The following HEPHL1 variants were observed in gnomAD, a reference collection of about 807,000 sequenced individuals.
HEPHL1 encodes hephaestin like 1, also known as ferroxidase HEPHL1.
A neutral mutation model predicts 122.0 loss-of-function variants in HEPHL1; 123 were observed. The ratio of observed to expected loss-of-function variants is 1.01; its 90% CI spans 0.87 to 1.17. The LOEUF is 1.17. Among genes scored for constraint, HEPHL1 ranks in the 50% most tolerant of loss-of-function variants. The pLI is 0.00. For missense variants in HEPHL1, 1,452 were observed against 1,430.5 expected, an observed-to-expected ratio of 1.01 and a Z score of -0.24; for synonymous variants, 527 against 508.9, an observed-to-expected ratio of 1.04 and a Z score of -0.48.
chr11:94,070,299 T>G, intron 5 of HEPHL1, 75 bp from the exon 6 acceptor site: 1 of 1,413,936 alleles, frequency 7.1e-7, no homozygotes, highest in Non-Finnish European at 9.4e-7. Flanking sequence ...AAGAGCCAAA[T>G]CTATCAGTCT....
chr11:94,055,267 C>T, intron 2 of HEPHL1: 1 of 279,346 alleles, frequency 3.6e-6, no homozygotes, highest in Non-Finnish European at 7.1e-6. Context: ...CTCTCTGATT[C>T]CTGTTGAGCC....
At chr11:94,093,969 C>CAGATAGATAGATAGATAGAT (rs1382570113) in intron 13 of HEPHL1, among the ~76,000 whole-genome samples, 3 of 50,714 alleles carry the variant, frequency 5.9e-5, no homozygotes, top group South Asian at 8.9e-4. Flanking sequence ...AATCCTCCAG[C>CAGATAGATAGATAGATAGAT]AGATATATAT....
intron 18 of HEPHL1, 76 bp from the exon 19 acceptor site, chr11:94,111,461 A>G: frequency 8.7e-7 from 1 of 1,150,556 alleles, no homozygotes. Context: ...CTCGCTGGTG[A>G]AATGAAATGA....
intron 1 of HEPHL1, among the ~76,000 whole-genome samples, chr11:94,032,108 C>T (rs1565344044): frequency 6.6e-6 from 1 of 152,238 alleles, no homozygotes; most frequent in Non-Finnish European, 1.5e-5. Context: ...ACATACAGTG[C>T]TTACCCCACA....
At chr11:94,082,642 G>C in intron 10 of HEPHL1, 74 bp downstream of exon 10, 1 of 1,400,288 alleles carries the variant, frequency 7.1e-7, no homozygotes, top group Non-Finnish European at 9.7e-7. Flanking sequence ...TGGTGTGTTT[G>C]AATTATATTA....
At chr11:94,062,838 CAG>C (rs1373637825) in intron 2 of HEPHL1, among the ~76,000 whole-genome samples, 1 of 152,136 alleles carries the variant, frequency 6.6e-6, no homozygotes, top group Admixed American at 6.6e-5. Context: ...GTTTATGAAA[CAG>C]AGAGTAAGGG....
intron 8 of HEPHL1, among the ~76,000 whole-genome samples, chr11:94,074,285 A>C (rs1439468459): frequency 6.6e-6 from 1 of 152,082 alleles, no homozygotes; most frequent in Non-Finnish European, 1.5e-5. Flanking sequence ...AAAATACCAA[A>C]ATGGCTGCGT....
At chr11:94,048,806 AG>A (rs910835929) in intron 2 of HEPHL1, among the ~76,000 whole-genome samples, 1 of 152,102 alleles carries the variant, frequency 6.6e-6, no homozygotes, top group Non-Finnish European at 1.5e-5. Context: ...CCATTTCAGA[AG>A]TGTGTTGGTT....
At chr11:94,055,638 CT>C in intron 2 of HEPHL1, 1 of 391,042 alleles carries the variant, frequency 2.6e-6, no homozygotes, top group Non-Finnish European at 5.1e-6. Flanking sequence ...CATCATAGTC[CT>C]TTCCAATGCT....
chr11:94,037,566 C>A (rs189751190), intron 1 of HEPHL1, among the ~76,000 whole-genome samples: 3,444 of 152,244 alleles, frequency 0.023, 94 homozygotes, highest in East Asian at 0.088. Flanking sequence ...TGACCCCTGA[C>A]CCCCAAGCAG....
intron 2 of HEPHL1, among the ~76,000 whole-genome samples, chr11:94,048,646 G>A (rs575455743): frequency 1.6e-4 from 25 of 152,194 alleles, no homozygotes; most frequent in African/African-American, 5.5e-4. Flanking sequence ...ACAGTAATGA[G>A]CCACTGTGCC....
At chr11:94,105,960 C>G in intron 16 of HEPHL1, 31 bp from the exon 17 acceptor site, 1 of 1,484,428 alleles carries the variant, frequency 6.7e-7, no homozygotes, top group Non-Finnish European at 9.1e-7. Context: ...TTTTAACTAA[C>G]CAAAGGTTAT....
At chr11:94,072,921 T>C (rs1196311581) in intron 6 of HEPHL1, 104 bp from the exon 7 acceptor site, 14 of 1,042,674 alleles carry the variant, frequency 1.3e-5, no homozygotes, top group Non-Finnish European at 2.0e-5. Context: ...TCTGGGGACA[T>C]GGGTGGGCGA....
intron 2 of HEPHL1, among the ~76,000 whole-genome samples, chr11:94,058,707 G>A (rs1429375273): frequency 6.6e-6 from 1 of 151,902 alleles, no homozygotes; most frequent in Non-Finnish European, 1.5e-5. Flanking sequence ...AAATTTTATT[G>A]TTTTTTAAAT....
intron 9 of HEPHL1, among the ~76,000 whole-genome samples, chr11:94,076,097 G>C (rs1946120434): frequency 6.6e-6 from 1 of 152,066 alleles, no homozygotes; most frequent in South Asian, 2.1e-4. Context: ...GCATTGTGTG[G>C]CTCCACTTCT....
intron 10 of HEPHL1, among the ~76,000 whole-genome samples, chr11:94,083,725 A>G (rs1224971626): frequency 2.0e-5 from 3 of 151,872 alleles, no homozygotes; most frequent in Admixed American, 6.6e-5. Context: ...CTCATTTCCA[A>G]CAGAGTCCCC....
intron 1 of HEPHL1, among the ~76,000 whole-genome samples, chr11:94,034,517 C>T (rs1431354185): frequency 2.0e-5 from 3 of 152,134 alleles, no homozygotes; most frequent in African/African-American, 7.2e-5. Flanking sequence ...TTTTTCCCAA[C>T]CTTAATGAAG....
chr11:94,101,924 G>C (rs374442650), intron 14 of HEPHL1, among the ~76,000 whole-genome samples: 6 of 152,070 alleles, frequency 3.9e-5, no homozygotes, highest in African/African-American at 1.4e-4. Context: ...ACTTCAATTA[G>C]AGACAATAAA....
At chr11:94,093,464 T>C in intron 12 of HEPHL1, 37 bp from the exon 13 acceptor site, 1 of 1,611,892 alleles carries the variant, frequency 6.2e-7, no homozygotes, top group Non-Finnish European at 8.5e-7. Flanking sequence ...TTTTCTGCTT[T>C]CTGACAACTT....
Sources: gnomAD v4.1 joint callset for allele counts (sites outside exome capture counted in the v4.1 genomes callset) on GRCh38, gnomAD v4.1.1 for gene constraint, MANE v1.5 for transcripts, NCBI Gene and HGNC (gene_info 2026-07-23, HGNC 2026-07-21) for gene names.